The following ITPK1 variants were observed in gnomAD, a reference collection of about 807,000 sequenced individuals.
The protein encoded by ITPK1 is inositol-tetrakisphosphate 1-kinase, also known as inositol 1,3,4-trisphosphate 5/6-kinase.
ITPK1 carries 21 observed loss-of-function variants against 45.3 expected under a neutral mutation model. The ratio of observed to expected loss-of-function variants is 0.46; its 90% CI spans 0.33 to 0.67. The LOEUF is 0.67. Ranked by LOEUF, ITPK1 falls within the 30% of genes least tolerant of loss-of-function variation. The pLI is 0.02. For missense variants in ITPK1, 474 were observed against 573.5 expected (o/e 0.83, Z 1.77); for synonymous variants, 258 against 253.6 (o/e 1.02, Z -0.16).
chr14:92,952,012 G>A lies in ITPK1; in HGVS notation c.672C>T (p.Asp224=), dbSNP rs752378659. ...GGCTGTTGAAGAAGATGGACTCACGGTCTGAAAAAGCGACAGGAAGGAGCC... is the reference window on the plus strand; with the variant it reads ...GGCTGTTGAAGAAGATGGACTCACGATCTGAAAAAGCGACAGGAAGGAGCC... ...SLKNFSAGTS[D]RESIFFNSHN... Residue 224 remains aspartate (D), a splice_region_variant and synonymous_variant, in exon 9 of 11, where the codon GAC becomes GAT. Transcript: ENST00000267615. 1 of 1,567,988 alleles carries A rather than the reference G, an allele frequency of 6.4e-7. No individual in the cohort carries two copies. Among genetic ancestry groups the A allele is most frequent in the Non-Finnish European group, 8.7e-7 (1 of 1,155,758 alleles).
intron 5 of ITPK1, among the ~76,000 whole-genome samples, chr14:92,971,748 A>G (rs530939679): frequency 1.0e-3 from 154 of 152,294 alleles, no homozygotes; most frequent in African/African-American, 3.5e-3. Context: ...CTCTGATCTG[A>G]TATCTGTAAA....
intron 5 of ITPK1, among the ~76,000 whole-genome samples, chr14:92,976,837 C>CATA (rs1224221884): frequency 1.3e-5 from 2 of 152,246 alleles, no homozygotes; most frequent in Non-Finnish European, 2.9e-5. Flanking sequence ...CAAACCACTG[C>CATA]ATAATAGCCT....
chr14:93,094,571 C>A (rs181113498), intron 2 of ITPK1, among the ~76,000 whole-genome samples: 1 of 152,174 alleles, frequency 6.6e-6, no homozygotes, highest in Non-Finnish European at 1.5e-5. Context: ...ACCAGCCCTA[C>A]GATCATCTCC....
At chr14:93,086,467 G>A (rs1234993992) in intron 2 of ITPK1, among the ~76,000 whole-genome samples, 1 of 152,220 alleles carries the variant, frequency 6.6e-6, no homozygotes, top group African/African-American at 2.4e-5. Context: ...AGAGTTTCCT[G>A]GTCTGATTTT....
rs1168895916 is a variant in ITPK1, at chr14:93,036,176, G to A, written c.121-19375C>T. ...AGGAGCCCAAGGTCGGTAACTTCAAGAGCTGCGGGGAGCAGAGGCCACAAC... is the reference window on the plus strand; with the variant it reads ...AGGAGCCCAAGGTCGGTAACTTCAAAAGCTGCGGGGAGCAGAGGCCACAAC... On this transcript the variant is annotated intron_variant, in intron 3 of 10. Transcript: ENST00000267615. The surrounding 1 kb of genome is among the most constrained non-coding windows in gnomAD (Gnocchi z 4.1). Among the ~76,000 whole-genome samples, 3 of 152,090 alleles carry A rather than the reference G, an allele frequency of 2.0e-5. No individual in the cohort carries two copies. Among genetic ancestry groups the A allele is most frequent in the Non-Finnish European group, 4.4e-5 (3 of 68,010 alleles).
At position 92,977,545 on chromosome 14, in the gene ITPK1, A is replaced by G. The variant is rs560361161; in HGVS notation, c.365-14696T>C. Among the ~76,000 whole-genome samples the G allele has an allele frequency of 2.6e-5, 4 of 152,194 alleles. No homozygotes were observed. In the East Asian group the frequency reaches 7.7e-4, roughly 29 times the overall value. ...CTCATGTTGAATTGTAATTCCCAGC[A>G]TCGGGGGAGGACCTGGTGAAAGGTG... is the stretch of plus-strand genomic sequence containing the variant. On this transcript the variant is annotated intron_variant, in intron 5 of 10. Transcript: ENST00000267615.
intron 3 of ITPK1, chr14:93,071,965 T>C (rs929446710): frequency 6.6e-6 from 1 of 152,004 alleles, no homozygotes; most frequent in Non-Finnish European, 1.5e-5. Context: ...GACAGAAATA[T>C]ATTGCAAAAT....
chr14:92,988,563 C>G (rs1485875353), intron 5 of ITPK1, among the ~76,000 whole-genome samples: 1 of 152,226 alleles, frequency 6.6e-6, no homozygotes, highest in Non-Finnish European at 1.5e-5. Context: ...CTAGGCAGGA[C>G]TCACCTGCAG....
At chr14:93,115,028 G>A in intron 2 of ITPK1, 41 bp downstream of exon 2, 1 of 1,378,974 alleles carries the variant, frequency 7.3e-7, no homozygotes, top group Non-Finnish European at 9.9e-7. Flanking sequence ...ACCGGGCTCG[G>A]GCCGGGGGTC....
rs375994417 is a variant in ITPK1, at chr14:93,036,845, A to T, written c.121-20044T>A. On this transcript the variant is annotated intron_variant, in intron 3 of 10. Transcript: ENST00000267615. The surrounding 1 kb of genome is among the most constrained non-coding windows in gnomAD (Gnocchi z 4.1). ...GCTGACAGCTGCCAAAAAGGGACCTACCTGCTGTCAAGGGGTGGAAGCCCC... is the reference window on the plus strand; with the variant it reads ...GCTGACAGCTGCCAAAAAGGGACCTTCCTGCTGTCAAGGGGTGGAAGCCCC... 2 of 152,288 alleles carry T rather than the reference A, an allele frequency of 1.3e-5. No homozygotes were observed. Among genetic ancestry groups the T allele is most frequent in the East Asian group, 3.9e-4 (2 of 5,188 alleles). 9.4% of individuals were successfully genotyped at this position (152,288 alleles called of 1,614,324 possible).
intron 3 of ITPK1, among the ~76,000 whole-genome samples, chr14:93,025,670 A>C (rs370280232): frequency 1.1e-4 from 16 of 152,144 alleles, no homozygotes; most frequent in Admixed American, 3.3e-4. Context: ...CTTGTCTTTC[A>C]CCAATATCAC....
At chr14:93,021,386 G>GTT (rs1334485496) in intron 3 of ITPK1, among the ~76,000 whole-genome samples, 1 of 152,114 alleles carries the variant, frequency 6.6e-6, no homozygotes, top group East Asian at 1.9e-4. Flanking sequence ...GAGGTCAGGA[G>GTT]TTTAAGACCA....
intron 10 of ITPK1, among the ~76,000 whole-genome samples, chr14:92,945,202 G>A (rs931674584): frequency 1.1e-4 from 16 of 152,230 alleles, no homozygotes; most frequent in African/African-American, 3.9e-4. Flanking sequence ...CAGCAGCCCT[G>A]GGCGACAGCA....
intron 2 of ITPK1, 44 bp downstream of exon 2, chr14:93,115,025 T>C: frequency 7.8e-7 from 1 of 1,277,002 alleles, no homozygotes; most frequent in African/African-American, 1.5e-5. Flanking sequence ...GTCACCGGGC[T>C]CGGGCCGGGG....
chr14:92,971,183 C>G (rs1458608640), intron 5 of ITPK1, among the ~76,000 whole-genome samples: 1 of 152,206 alleles, frequency 6.6e-6, no homozygotes, highest in Non-Finnish European at 1.5e-5. Context: ...AAGCATCCAC[C>G]TCCCCCACCC....
chr14:92,981,586 C>A (rs1886231584), intron 5 of ITPK1, among the ~76,000 whole-genome samples: 1 of 152,192 alleles, frequency 6.6e-6, no homozygotes, highest in Non-Finnish European at 1.5e-5. Flanking sequence ...AGAGCCTCCC[C>A]CAGTGCATCT....
intron 9 of ITPK1, among the ~76,000 whole-genome samples, chr14:92,950,879 G>T (rs1054821973): frequency 6.6e-6 from 1 of 152,240 alleles, no homozygotes; most frequent in Non-Finnish European, 1.5e-5. Context: ...GTTCCCAGGG[G>T]ACATGTGTCA....
chr14:93,021,541 C>T (rs1039615640), intron 3 of ITPK1, among the ~76,000 whole-genome samples: 2 of 151,122 alleles, frequency 1.3e-5, no homozygotes, highest in Non-Finnish European at 2.9e-5. Flanking sequence ...TGCAGTGAGC[C>T]GAGATGATGC....
chr14:92,982,988 A>G (rs535406774), intron 5 of ITPK1, among the ~76,000 whole-genome samples: 9 of 152,362 alleles, frequency 5.9e-5, no homozygotes, highest in Admixed American at 5.2e-4. Flanking sequence ...CAAATGCCAC[A>G]GGTGCAAAGT....
Sources: gnomAD v4.1 joint callset for allele counts (sites outside exome capture counted in the v4.1 genomes callset) on GRCh38, gnomAD v4.1.1 for gene constraint, Gnocchi (gnomAD v3.1) non-coding constraint, MANE v1.5 for transcripts, NCBI Gene and HGNC (gene_info 2026-07-23, HGNC 2026-07-21) for gene names.